The following FAM185A variants were observed in gnomAD, a reference collection of about 807,000 sequenced individuals.
FAM185A encodes protein FAM185A.
Under a neutral mutation model 45.7 loss-of-function variants are expected in FAM185A, and 21 were observed. The observed-to-expected ratio is 0.46, with a 90% CI of 0.33 to 0.66. The LOEUF (loss-of-function observed/expected upper bound fraction) is 0.66, where lower values mean the gene tolerates loss of function less well. Ranked by LOEUF, FAM185A falls within the 30% of genes least tolerant of loss-of-function variation. The pLI, the probability that FAM185A is intolerant of heterozygous loss-of-function variation, is 0.03. For synonymous variants in FAM185A, 117 were observed against 194.0 expected (o/e 0.60, Z 3.30); for missense variants, 305 against 485.4 (o/e 0.63, Z 3.49).
chr7:102,789,242 C>T (rs1300301554), intron 7 of FAM185A, among the ~76,000 whole-genome samples: 2 of 152,118 alleles, frequency 1.3e-5, no homozygotes, highest in African/African-American at 4.8e-5. Context: ...CTCAGCCTCC[C>T]TAGTAGCTAG....
chr7:102,762,759 G>A (rs1461205645), intron 4 of FAM185A, among the ~76,000 whole-genome samples: 1 of 151,264 alleles, frequency 6.6e-6, no homozygotes, highest in Non-Finnish European at 1.5e-5. Flanking sequence ...ATTCTTGCAA[G>A]GTTAAAGTAT....
chr7:102,841,249 GT>G, the FAM185A span, among the ~76,000 whole-genome samples: 4,745 of 145,426 alleles, frequency 0.033, 191 homozygotes, highest in East Asian at 0.16. Flanking sequence ...CAATCTGACA[GT>G]TTTTTTTTTT....
rs1187625614 is a variant in FAM185A at position 102,796,324 on chromosome 7, T to C, written c.1066+8855T>C. Among the ~76,000 whole-genome samples, 6 of 152,240 alleles carry C rather than the reference T, an allele frequency of 3.9e-5. 1 individual carries two copies. Among genetic ancestry groups the C allele is most frequent in the Admixed American group, 2.0e-4 (3 of 15,288 alleles). ...CTGATCTTAGGTTTTACAATAGTGA[T>C]GTTATCCGCAGGAGCAATTTGGGGA... On this transcript the variant is annotated intron_variant, in intron 7 of 7. Coordinates refer to ENST00000413034, the MANE Select transcript of FAM185A (RefSeq NM_001145268.2).
the FAM185A span, chr7:102,821,992 C>T: frequency 6.3e-7 from 1 of 1,581,998 alleles, no homozygotes; most frequent in Non-Finnish European, 8.7e-7. Flanking sequence ...ACTATGTTTT[C>T]TCAGAAAGTA....
the FAM185A span, among the ~76,000 whole-genome samples, chr7:102,841,848 G>T: frequency 1.1e-4 from 17 of 152,134 alleles, no homozygotes. Context: ...ACTATCCTTG[G>T]CATGGATAGC....
At position 102,807,384 on chromosome 7, in the gene FAM185A, GCT is replaced by G. The variant is rs567556610; in HGVS notation, c.1067-903_1067-902del. On this transcript the variant is annotated intron_variant, in intron 7 of 7. Transcript: ENST00000413034. ...ATCTTGTCAGTTATACTCCAGTAAA[GCT>G]CTTTTTAAAGACTGCATTTAAAAAT... Among the ~76,000 whole-genome samples, 15 of 152,210 alleles carry G rather than the reference GCT, an allele frequency of 9.9e-5. No individual in the cohort carries two copies. In the East Asian group the frequency reaches 2.7e-3, roughly 27 times the overall value.
the FAM185A span, chr7:102,822,440 TC>T: frequency 3.1e-6 from 2 of 639,032 alleles, no homozygotes; most frequent in East Asian, 6.4e-5. Context: ...ATTCTTGCTA[TC>T]TTCTCACATG....
At chr7:102,832,889 G>A in the FAM185A span, 26 of 1,614,196 alleles carry the variant, frequency 1.6e-5, no homozygotes, top group Non-Finnish European at 2.2e-5. Context: ...GCAGTAAATG[G>A]CCAGTGCTTT....
chr7:102,791,360 C>A (rs1383025760), intron 7 of FAM185A, among the ~76,000 whole-genome samples: 8 of 152,212 alleles, frequency 5.3e-5, no homozygotes, highest in Non-Finnish European at 1.2e-4. Context: ...GGGGCCTGGA[C>A]TCCATAGTGA....
At chr7:102,766,797 T>G (rs1794433065) in intron 4 of FAM185A, among the ~76,000 whole-genome samples, 1 of 152,076 alleles carries the variant, frequency 6.6e-6, no homozygotes. Flanking sequence ...TTTTTTGTTT[T>G]GTTTTGTTTT....
chr7:102,806,921 G>GT (rs1322493846), intron 7 of FAM185A, among the ~76,000 whole-genome samples: 2 of 152,136 alleles, frequency 1.3e-5, no homozygotes, highest in African/African-American at 4.8e-5. Context: ...ATAAGAAAGA[G>GT]TTCCGGAGGG....
At chr7:102,762,159 C>T (rs538882663) in intron 4 of FAM185A, among the ~76,000 whole-genome samples, 2 of 152,220 alleles carry the variant, frequency 1.3e-5, no homozygotes, top group Admixed American at 6.5e-5. Context: ...AAATGTTTTG[C>T]GTGTATTTGT....
At chr7:102,826,476 C>T in the FAM185A span, among the ~76,000 whole-genome samples, 1 of 151,572 alleles carries the variant, frequency 6.6e-6, no homozygotes, top group Non-Finnish European at 1.5e-5. Flanking sequence ...TGGCTCATGC[C>T]TATAATCCTA....
At chr7:102,807,918 G>A (rs1441268262) in intron 7 of FAM185A, among the ~76,000 whole-genome samples, 1 of 152,082 alleles carries the variant, frequency 6.6e-6, no homozygotes, top group East Asian at 1.9e-4. Flanking sequence ...AAAATTAGCC[G>A]GGCATGGTGG....
At chr7:102,824,017 A>G in the FAM185A span, among the ~76,000 whole-genome samples, 1 of 152,220 alleles carries the variant, frequency 6.6e-6, no homozygotes. Flanking sequence ...GGAAAAGTCC[A>G]GGGGAGGTGG....
At chr7:102,804,947 G>A (rs1481631980) in intron 7 of FAM185A, among the ~76,000 whole-genome samples, 1 of 152,096 alleles carries the variant, frequency 6.6e-6, no homozygotes, top group Non-Finnish European at 1.5e-5. Context: ...CATCACTAAT[G>A]ATCAGGGAAA....
At chr7:102,816,538 G>A in the FAM185A span, among the ~76,000 whole-genome samples, 7 of 152,130 alleles carry the variant, frequency 4.6e-5, no homozygotes, top group South Asian at 2.1e-4. Flanking sequence ...AGAAGAGATC[G>A]GCAAGTGGCT....
chr7:102,755,391 G>T, intron 2 of FAM185A: 1 of 588,896 alleles, frequency 1.7e-6, no homozygotes, highest in South Asian at 2.0e-5. Flanking sequence ...CGATTAACCA[G>T]TTCACCCAGG....
chr7:102,774,117 T>G (rs1794914755), intron 5 of FAM185A, among the ~76,000 whole-genome samples: 1 of 152,142 alleles, frequency 6.6e-6, no homozygotes, highest in Admixed American at 6.6e-5. Context: ...TTAGGTCTTC[T>G]TTAATTTTTC....
Sources: gnomAD v4.1 joint callset for allele counts (sites outside exome capture counted in the v4.1 genomes callset) on GRCh38, gnomAD v4.1.1 for gene constraint, MANE v1.5 for transcripts, NCBI Gene and HGNC (gene_info 2026-07-23, HGNC 2026-07-21) for gene names.